ARID4B: variants seen among roughly 807,000 people sequenced by gnomAD.
ARID4B encodes AT-rich interactive domain-containing protein 4B.
Under a neutral mutation model 147.5 loss-of-function variants are expected in ARID4B, and 26 were observed. The observed-to-expected ratio is 0.18, with a 90% CI of 0.13 to 0.24. The LOEUF (loss-of-function observed/expected upper bound fraction) is 0.24. Ranked by LOEUF, ARID4B falls within the 10% of genes least tolerant of loss-of-function variation. ARID4B has a pLI of 1.00. For synonymous variants in ARID4B, 512 were observed against 507.9 expected (o/e 1.01, Z -0.11); for missense variants, 1,179 against 1,511.5 (o/e 0.78, Z 3.65).
chr1:235,232,168 C>A (rs1196753379), intron 9 of ARID4B, among the ~76,000 whole-genome samples: 1 of 152,106 alleles, frequency 6.6e-6, no homozygotes, highest in Non-Finnish European at 1.5e-5. Flanking sequence ...AACTGTAATC[C>A]CAGCACTTTG....
intron 5 of ARID4B, among the ~76,000 whole-genome samples, chr1:235,254,445 G>A (rs942943391): frequency 3.3e-4 from 50 of 151,366 alleles, no homozygotes; most frequent in African/African-American, 1.2e-3. Context: ...TACTGTAGGT[G>A]AAATAAAAAT....
chr1:235,233,670 T>C (rs934798053), intron 9 of ARID4B, among the ~76,000 whole-genome samples: 3 of 152,238 alleles, frequency 2.0e-5, no homozygotes, highest in African/African-American at 7.2e-5. Flanking sequence ...CTCAGACTAC[T>C]GCAAAAGTTG....
intron 3 of ARID4B, 44 bp from the exon 4 acceptor site, chr1:235,257,269 A>G (rs1406593543): frequency 7.6e-7 from 1 of 1,321,712 alleles, no homozygotes; most frequent in East Asian, 2.3e-5. Flanking sequence ...TAAACCAAGC[A>G]ACACAAGCTC....
intron 2 of ARID4B, among the ~76,000 whole-genome samples, chr1:235,323,082 C>CCAAGCTGG (rs1674960927): frequency 6.6e-6 from 1 of 151,138 alleles, no homozygotes; most frequent in Admixed American, 6.6e-5. Flanking sequence ...TCCCTGTCAC[C>CCAAGCTGG]CAAGCTGGAG....
intron 4 of ARID4B, among the ~76,000 whole-genome samples, chr1:235,256,680 G>T (rs1383767646): frequency 5.3e-5 from 8 of 152,098 alleles, no homozygotes; most frequent in Non-Finnish European, 1.0e-4. Context: ...GATTTTTTTG[G>T]TTTTCTAACT....
chr1:235,201,652 A>C (rs1665931477), intron 17 of ARID4B, among the ~76,000 whole-genome samples: 1 of 152,122 alleles, frequency 6.6e-6, no homozygotes, highest in African/African-American at 2.4e-5. Flanking sequence ...AAGTAAGTTA[A>C]ATACAAACCT....
intron 23 of ARID4B, among the ~76,000 whole-genome samples, chr1:235,171,411 C>A (rs534321604): frequency 6.6e-6 from 1 of 151,678 alleles, no homozygotes; most frequent in Non-Finnish European, 1.5e-5. Flanking sequence ...CCAGCCTGGG[C>A]GACAGAGCAA....
intron 20 of ARID4B, chr1:235,181,374 T>C (rs946389528): frequency 2.7e-6 from 2 of 730,646 alleles, no homozygotes; most frequent in Admixed American, 6.7e-5. Context: ...ATGCCATGGA[T>C]GGCTCAAGCA....
At chr1:235,318,697 A>G (rs917742468) in intron 2 of ARID4B, among the ~76,000 whole-genome samples, 24 of 152,110 alleles carry the variant, frequency 1.6e-4, no homozygotes, top group African/African-American at 5.3e-4. Context: ...GCTAGGGAAC[A>G]TAGTGAGACT....
intron 2 of ARID4B, among the ~76,000 whole-genome samples, chr1:235,321,242 A>G (rs1029754426): frequency 1.3e-5 from 2 of 152,192 alleles, no homozygotes; most frequent in Admixed American, 1.3e-4. Context: ...AGTATTTTAC[A>G]AGATTACCTA....
chr1:235,225,217 G>C (rs1330787998), intron 11 of ARID4B, among the ~76,000 whole-genome samples: 1 of 152,110 alleles, frequency 6.6e-6, no homozygotes, highest in Non-Finnish European at 1.5e-5. Flanking sequence ...TAAAAGTATG[G>C]GTCCCATTAG....
intron 7 of ARID4B, among the ~76,000 whole-genome samples, chr1:235,245,004 G>A (rs1328769932): frequency 6.6e-6 from 1 of 152,210 alleles, no homozygotes; most frequent in Non-Finnish European, 1.5e-5. Flanking sequence ...CCTTGGCAGT[G>A]AGAATGACCA....
Position 235,167,470 on chromosome 1 carries a change from T to C in ARID4B, c.*1055A>G. 1 of 222,808 alleles carries C rather than the reference T, an allele frequency of 4.5e-6. No individual in the cohort carries two copies. The highest frequency in any genetic ancestry group is 9.0e-6 in the Non-Finnish European group (1 of 111,306). 13.8% of individuals were successfully genotyped at this position (222,808 alleles called of 1,614,324 possible). On this transcript the variant is annotated 3_prime_UTR_variant, in exon 24 of 24. Transcript: ENST00000264183. ...AAGTGAAAACAATTTTGCATTCATT[T>C]TGGATTTTATACAAGGCATTTAATT...
intron 21 of ARID4B, among the ~76,000 whole-genome samples, chr1:235,176,332 C>T (rs1352626221): frequency 6.8e-6 from 1 of 146,276 alleles, no homozygotes; most frequent in Admixed American, 7.1e-5. Context: ...ACAAAAACAT[C>T]ACAGTGAAAG....
At position 235,257,025 on chromosome 1, in the gene ARID4B, T is replaced by C. The variant is rs1670028429; in HGVS notation, c.183+135A>G. 4.5e-6 allele frequency: 3 copies of C among 672,472 alleles called. 1 individual carries two copies. In the South Asian group the frequency reaches 6.0e-5, roughly 13 times the overall value. The allele number at this position is 672,472 out of a possible 1,614,324, so 41.7% of individuals were successfully genotyped here. On this transcript the variant is annotated intron_variant, in intron 4 of 23. Coordinates refer to ENST00000264183, the MANE Select transcript of ARID4B (RefSeq NM_016374.6). ...TTAGTCACTGAGATTAAGTCTATTT[T>C]TTCTATTAGTCTTTTTAGAGAAAAT... is the stretch of plus-strand genomic sequence containing the variant.
chr1:235,209,566 TTG>T (rs762921168), intron 17 of ARID4B, among the ~76,000 whole-genome samples: 1 of 138,980 alleles, frequency 7.2e-6, no homozygotes, highest in Non-Finnish European at 1.5e-5. Context: ...GTTTTTTGTT[TTG>T]TTTTTTTTTT....
intron 2 of ARID4B, among the ~76,000 whole-genome samples, chr1:235,308,083 ATTTTTTTTTTT>A (rs368457519): frequency 1.9e-5 from 2 of 102,768 alleles, no homozygotes; most frequent in Admixed American, 1.2e-4. Context: ...ATTTCTTCTA[ATTTTTTTTTTT>A]TTTTTTTTTT....
intron 17 of ARID4B, among the ~76,000 whole-genome samples, chr1:235,197,560 TAAG>T (rs1009989769): frequency 9.9e-5 from 15 of 152,166 alleles, no homozygotes; most frequent in African/African-American, 3.4e-4. Flanking sequence ...AGGGCCGTAA[TAAG>T]AATAAGAGGG....
intron 2 of ARID4B, among the ~76,000 whole-genome samples, chr1:235,315,940 G>C (rs897167810): frequency 9.9e-5 from 15 of 152,126 alleles, no homozygotes; most frequent in African/African-American, 3.6e-4. Context: ...AGCCACTAGA[G>C]AGGCTGAGGC....
Sources: gnomAD v4.1 joint callset for allele counts (sites outside exome capture counted in the v4.1 genomes callset) on GRCh38, gnomAD v4.1.1 for gene constraint, MANE v1.5 for transcripts, NCBI Gene and HGNC (gene_info 2026-07-23, HGNC 2026-07-21) for gene names.